SOX5: variants seen among roughly 807,000 people sequenced by gnomAD.
SOX5 encodes the protein transcription factor SOX-5.
Under a neutral mutation model 92.0 loss-of-function variants are expected in SOX5, and 9 were observed. That is an observed-to-expected ratio of 0.10 (90% CI 0.06 to 0.17). SOX5 has a LOEUF of 0.17. Ranked by LOEUF, SOX5 falls within the 10% of genes least tolerant of loss-of-function variation. The probability of loss-of-function intolerance (pLI) is 1.00; values close to 1 mark genes in which losing one functional copy is unlikely to be tolerated. For synonymous variants in SOX5, 344 were observed against 336.3 expected, an observed-to-expected ratio of 1.02 and a Z score of -0.25; for missense variants, 642 against 944.5, an observed-to-expected ratio of 0.68 and a Z score of 4.20.
At chr12:23,624,262 T>C (rs1203874490) in intron 8 of SOX5, among the ~76,000 whole-genome samples, 1 of 152,016 alleles carries the variant, frequency 6.6e-6, no homozygotes, top group Admixed American at 6.6e-5. Context: ...AGACGGGTAG[T>C]GGTGATGGTT....
At chr12:24,287,236 A>C (rs541551897) in intron 2 of SOX5, among the ~76,000 whole-genome samples, 7 of 152,336 alleles carry the variant, frequency 4.6e-5, no homozygotes, top group African/African-American at 1.7e-4. Flanking sequence ...GCTAAATAAA[A>C]CTTACAAGGT....
Position 24,195,218 on chromosome 12 carries a change from A to G in SOX5, c.-2+18125T>C, listed in dbSNP as rs372678486. ...GAAAAACATTATCACATGAAATTCTATACTGAGTCATCTATTTTAAACGAG... is the reference window on the plus strand; with the variant it reads ...GAAAAACATTATCACATGAAATTCTGTACTGAGTCATCTATTTTAAACGAG... On this transcript the variant is annotated intron_variant, in intron 4 of 4. Transcript: ENST00000446891. Among the ~76,000 whole-genome samples the G allele has an allele frequency of 2.6e-5, 4 of 152,116 alleles. No individual in the cohort carries two copies. In the East Asian group the frequency reaches 7.7e-4, roughly 29 times the overall value.
intron 10 of SOX5, among the ~76,000 whole-genome samples, chr12:23,568,015 A>G (rs1419977766): frequency 6.6e-6 from 1 of 152,156 alleles, no homozygotes; most frequent in Non-Finnish European, 1.5e-5. Context: ...GATATATCCA[A>G]GTCCTAAACT....
chr12:23,714,349 G>A (rs1012831997), intron 6 of SOX5, among the ~76,000 whole-genome samples: 1 of 151,890 alleles, frequency 6.6e-6, no homozygotes, highest in Non-Finnish European at 1.5e-5. Context: ...TAGGCTGGGC[G>A]CAGTGTCTAG....
intron 1 of SOX5, among the ~76,000 whole-genome samples, chr12:23,948,282 T>C (rs1032606462): frequency 6.6e-6 from 1 of 151,952 alleles, no homozygotes; most frequent in Admixed American, 6.6e-5. Flanking sequence ...ATGTGTTGGC[T>C]ATTTTACTTT....
At chr12:24,203,723 C>T (rs1284336211) in intron 4 of SOX5, among the ~76,000 whole-genome samples, 1 of 152,128 alleles carries the variant, frequency 6.6e-6, no homozygotes, top group Non-Finnish European at 1.5e-5. Flanking sequence ...TTGTGAAATA[C>T]AAATATTCTG....
chr12:23,759,029 AG>A, intron 3 of SOX5, among the ~76,000 whole-genome samples: 1 of 75,770 alleles, frequency 1.3e-5, no homozygotes, highest in Non-Finnish European at 2.6e-5. Context: ...ACACACACAC[AG>A]ACACACACAC....
At chr12:23,751,446 T>C (rs1009270425) in intron 4 of SOX5, among the ~76,000 whole-genome samples, 1 of 151,896 alleles carries the variant, frequency 6.6e-6, no homozygotes, top group African/African-American at 2.4e-5. Flanking sequence ...ATAAAACTTA[T>C]AGGATCCCTT....
At chr12:24,206,072 C>T (rs548184342) in intron 4 of SOX5, among the ~76,000 whole-genome samples, 1 of 152,252 alleles carries the variant, frequency 6.6e-6, no homozygotes, top group South Asian at 2.1e-4. Context: ...CACATGATAC[C>T]TGGGTCCAAT....
At chr12:23,951,342 C>G (rs993946363), upstream of SOX5, among the ~76,000 whole-genome samples, 1 of 151,810 alleles carries the variant, frequency 6.6e-6, no homozygotes, top group Non-Finnish European at 1.5e-5. Flanking sequence ...CCCTCCACTC[C>G]TTCCAACTTC....
intron 4 of SOX5, among the ~76,000 whole-genome samples, chr12:24,094,241 C>A (rs1409060231): frequency 6.6e-6 from 1 of 152,156 alleles, no homozygotes; most frequent in Non-Finnish European, 1.5e-5. Flanking sequence ...GCCACCACAC[C>A]CAGCGAAATT....
intron 4 of SOX5, among the ~76,000 whole-genome samples, chr12:23,989,410 A>ATCAG (rs1950354968): frequency 1.3e-5 from 2 of 151,818 alleles, no homozygotes; most frequent in African/African-American, 4.8e-5. Context: ...CAATCAATCA[A>ATCAG]TCAGTATCTT....
rs527683891 is a variant in SOX5 at position 23,703,886 on chromosome 12, G to T, written c.810+30798C>A. Among the ~76,000 whole-genome samples the T allele has an allele frequency of 5.4e-4, 82 of 151,938 alleles. 1 individual carries two copies. Among genetic ancestry groups the T allele is most frequent in the Non-Finnish European group, 1.1e-3 (74 of 67,926 alleles). On this transcript the variant is annotated intron_variant, in intron 6 of 14. Coordinates refer to ENST00000451604, the MANE Select transcript of SOX5 (RefSeq NM_006940.6). ...ACTCATCTTTTTATTGTCTGTGAAT[G>T]TTAAGAGCAAACTGCACATACTATG...
At chr12:23,882,922 C>T (rs2097013555) in intron 2 of SOX5, among the ~76,000 whole-genome samples, 1 of 152,108 alleles carries the variant, frequency 6.6e-6, no homozygotes, top group Non-Finnish European at 1.5e-5. Flanking sequence ...TGGCTCACGT[C>T]TGTAATCCCA....
At chr12:24,152,031 A>T (rs921950931) in intron 4 of SOX5, among the ~76,000 whole-genome samples, 2 of 152,196 alleles carry the variant, frequency 1.3e-5, no homozygotes, top group African/African-American at 4.8e-5. Flanking sequence ...CAAACATTTA[A>T]AACTCCCAGT....
At chr12:23,837,954 G>A (rs1488872479) in intron 3 of SOX5, among the ~76,000 whole-genome samples, 1 of 112,754 alleles carries the variant, frequency 8.9e-6, no homozygotes, top group South Asian at 2.6e-4. Context: ...TATTTATATA[G>A]TATATGTTTA....
rs191257373 is a variant in SOX5 at position 23,835,016 on chromosome 12, T to G, written c.481+10967A>C. Among the ~76,000 whole-genome samples the G allele has an allele frequency of 9.7e-4, 148 of 151,990 alleles. 1 individual carries two copies. The highest frequency in any genetic ancestry group is 3.3e-3 in the African/African-American group (137 of 41,564). ...TGGTAAAAATTATTTTCACCTAAACTGTAATTAGCCTAAAGTTTGAATGAA... is the reference window on the plus strand; with the variant it reads ...TGGTAAAAATTATTTTCACCTAAACGGTAATTAGCCTAAAGTTTGAATGAA... On this transcript the variant is annotated intron_variant, in intron 3 of 14. Coordinates refer to ENST00000451604, the MANE Select transcript of SOX5 (RefSeq NM_006940.6).
rs12316149 is a variant in SOX5, at chr12:24,274,527, G to T, written c.-77+2689C>A. Among the ~76,000 whole-genome samples the T allele has an allele frequency of 5.7e-3, 872 of 152,158 alleles. 3 individuals carry two copies. Among genetic ancestry groups the T allele is most frequent in the African/African-American group, 0.02 (836 of 41,504 alleles). On this transcript the variant is annotated intron_variant, in intron 3 of 4. Transcript: ENST00000446891. ...AGAAGTCTGAGCAATAGCAGTTAGG[G>T]AACAAACCCAAAAGTAAACAGGTAT...
intron 4 of SOX5, among the ~76,000 whole-genome samples, chr12:24,210,818 T>A (rs1958526716): frequency 6.6e-6 from 1 of 152,228 alleles, no homozygotes; most frequent in Non-Finnish European, 1.5e-5. Flanking sequence ...GGTTAGACAA[T>A]GTTGCCCTAA....
Sources: allele counts gnomAD v4.1 joint callset (sites outside exome capture counted in the v4.1 genomes callset), GRCh38; gene constraint gnomAD v4.1.1; transcripts MANE v1.5; gene names NCBI Gene and HGNC (gene_info 2026-07-23, HGNC 2026-07-21).